GPAM: variants seen among roughly 807,000 people sequenced by gnomAD.
GPAM encodes the protein glycerol-3-phosphate acyltransferase, mitochondrial.
A neutral mutation model predicts 105.0 loss-of-function variants in GPAM; 56 were observed. The observed-to-expected ratio is 0.53, with a 90% CI of 0.43 to 0.67. The LOEUF (loss-of-function observed/expected upper bound fraction) is 0.67, where lower values mean the gene tolerates loss of function less well. GPAM is among the 30% of genes least tolerant of loss of function. The pLI is 0.00. For synonymous variants in GPAM, 368 were observed against 354.4 expected, an observed-to-expected ratio of 1.04 and a Z score of -0.43; for missense variants, 855 against 989.8, an observed-to-expected ratio of 0.86 and a Z score of 1.83.
rs767385645 is a variant in GPAM at position 112,168,346 on chromosome 10, C to T, written c.1073G>A (p.Arg358His). 17 of 1,606,996 alleles carry T rather than the reference C, an allele frequency of 1.1e-5. No individual in the cohort carries two copies. Among genetic ancestry groups the T allele is most frequent in the East Asian group, 6.7e-5 (3 of 44,862 alleles). The change falls in exon 11 of 22, where the codon CGC becomes CAC. Residue 358 changes from arginine to histidine, a missense_variant. Transcript: ENST00000348367. ...ACCATTGTAGTGACCTTCGATAATGCGATCATAGGAGATTCCAACAGGTAT... is the reference window on the plus strand; with the variant it reads ...ACCATTGTAGTGACCTTCGATAATGTGATCATAGGAGATTCCAACAGGTAT... ...LIIPVGISYD[R>H]IIEGHYNGEQ...
chr10:112,186,693 C>T (rs965731512), upstream of GPAM, among the ~76,000 whole-genome samples: 2 of 151,902 alleles, frequency 1.3e-5, no homozygotes, highest in Non-Finnish European at 2.9e-5. Flanking sequence ...ATTACAGGCA[C>T]CCGCCACAAC....
intron 1 of GPAM, among the ~76,000 whole-genome samples, chr10:112,190,712 C>T (rs893706539): frequency 6.6e-6 from 1 of 152,120 alleles, no homozygotes; most frequent in Non-Finnish European, 1.5e-5. Flanking sequence ...TCTATAACGG[C>T]ACCCCACACT....
At chr10:112,217,755 G>A (rs1031283448), upstream of GPAM, among the ~76,000 whole-genome samples, 1 of 152,128 alleles carries the variant, frequency 6.6e-6, no homozygotes, top group African/African-American at 2.4e-5. Flanking sequence ...ATGAGGTGCT[G>A]GAGAATCAGA....
rs1015167597 is a variant in GPAM at position 112,152,288 on chromosome 10, C to A, written c.*1262G>T. The A allele has an allele frequency of 7.1e-6, 7 of 982,434 alleles. No homozygotes were observed. The African/African-American group carries it at 1.2e-4, about 17-fold the overall frequency. The allele number at this position is 982,434 out of a possible 1,614,324, so 60.9% of individuals were successfully genotyped here. ...AAATCACCATAATTACCATAATAAA[C>A]CAATAATTATGCTCCCTGCTCACAA... On this transcript the variant is annotated 3_prime_UTR_variant, in exon 22 of 22. Transcript: ENST00000348367.
At chr10:112,180,452 A>C (rs1346144814) in intron 4 of GPAM, 21 bp downstream of exon 4, 1 of 1,612,170 alleles carries the variant, frequency 6.2e-7, no homozygotes, top group East Asian at 2.2e-5. Context: ...TATTAGGGTC[A>C]ATAAGCAGTA....
At chr10:112,212,294 G>A (rs142687994) in intron 1 of GPAM, among the ~76,000 whole-genome samples, 4,333 of 152,118 alleles carry the variant, frequency 0.028, 70 homozygotes, top group Non-Finnish European at 0.032. Flanking sequence ...ACGGAGTCTC[G>A]CTCTGTCGCC....
upstream of GPAM, among the ~76,000 whole-genome samples, chr10:112,217,301 A>G (rs1478546767): frequency 6.6e-6 from 1 of 152,192 alleles, no homozygotes; most frequent in Non-Finnish European, 1.5e-5. Flanking sequence ...TTCTCTTAGC[A>G]TAAAGTTTTC....
At chr10:112,222,824 C>A in the GPAM span, among the ~76,000 whole-genome samples, 1 of 152,260 alleles carries the variant, frequency 6.6e-6, no homozygotes, top group African/African-American at 2.4e-5. Flanking sequence ...CAGAGCCAGG[C>A]CCAGCCACAC....
chr10:112,184,831 A>G (rs1045717721), upstream of GPAM, among the ~76,000 whole-genome samples: 8 of 152,132 alleles, frequency 5.3e-5, no homozygotes, highest in Admixed American at 1.3e-4. Flanking sequence ...ACACAGAGAA[A>G]GAAGGAGCTG....
chr10:112,189,398 G>C (rs1345285133), intron 1 of GPAM, among the ~76,000 whole-genome samples: 1 of 152,100 alleles, frequency 6.6e-6, no homozygotes, highest in African/African-American at 2.4e-5. Context: ...CACTACTCCT[G>C]TTTAATCATT....
At chr10:112,227,412 T>C in the GPAM span, among the ~76,000 whole-genome samples, 1 of 152,220 alleles carries the variant, frequency 6.6e-6, no homozygotes, top group African/African-American at 2.4e-5. Context: ...TCTCTCCTGC[T>C]CTGCCCTCTC....
chr10:112,181,352 T>C (rs777139940), intron 3 of GPAM, among the ~76,000 whole-genome samples: 27 of 152,120 alleles, frequency 1.8e-4, no homozygotes, highest in Non-Finnish European at 2.6e-4. Flanking sequence ...ATAAAATTCA[T>C]GCTTTTCAAG....
intron 17 of GPAM, among the ~76,000 whole-genome samples, chr10:112,159,306 C>T (rs1163624899): frequency 1.3e-5 from 2 of 150,526 alleles, no homozygotes; most frequent in African/African-American, 4.9e-5. Context: ...CTGCATCCTC[C>T]GCCTCCCAGG....
chr10:112,208,515 A>G (rs1217710147), intron 1 of GPAM, among the ~76,000 whole-genome samples: 1 of 152,162 alleles, frequency 6.6e-6, no homozygotes, highest in Non-Finnish European at 1.5e-5. Flanking sequence ...ATAGCCAGCT[A>G]AGTGTCTTGG....
the GPAM span, among the ~76,000 whole-genome samples, chr10:112,221,920 T>C: frequency 6.6e-6 from 1 of 152,184 alleles, no homozygotes; most frequent in Non-Finnish European, 1.5e-5. Context: ...AAAACGAGAC[T>C]CACAAAGGTG....
intron 5 of GPAM, among the ~76,000 whole-genome samples, chr10:112,177,772 C>T (rs1243715911): frequency 6.6e-6 from 1 of 152,122 alleles, no homozygotes; most frequent in African/African-American, 2.4e-5. Context: ...TCTACACTCC[C>T]CTGAAATTAT....
chr10:112,189,957 A>G (rs2133280942), intron 1 of GPAM, among the ~76,000 whole-genome samples: 1 of 152,246 alleles, frequency 6.6e-6, no homozygotes, highest in Middle Eastern at 3.4e-3. Flanking sequence ...ACTGCAACAC[A>G]TCCCAAGCCC....
At chr10:112,217,401 T>C (rs1393704756), upstream of GPAM, among the ~76,000 whole-genome samples, 1 of 152,056 alleles carries the variant, frequency 6.6e-6, no homozygotes, top group African/African-American at 2.4e-5. Context: ...CCACCATTCA[T>C]CTGCTGGAGG....
intron 1 of GPAM, among the ~76,000 whole-genome samples, chr10:112,191,426 A>G (rs533735669): frequency 3.3e-5 from 5 of 152,224 alleles, no homozygotes; most frequent in Admixed American, 1.3e-4. Flanking sequence ...TGGGCAGGGC[A>G]CCAATTCTAG....
Sources: gnomAD v4.1 joint callset for allele counts (sites outside exome capture counted in the v4.1 genomes callset) on GRCh38, gnomAD v4.1.1 for gene constraint, MANE v1.5 for transcripts, NCBI Gene and HGNC (gene_info 2026-07-23, HGNC 2026-07-21) for gene names.